The following TNNI3K variants were observed in gnomAD, a reference collection of about 807,000 sequenced individuals.
TNNI3K encodes TNNI3 interacting kinase.
TNNI3K carries 140 observed loss-of-function variants against 114.5 expected under a neutral mutation model. The ratio of observed to expected loss-of-function variants is 1.22; its 90% CI spans 1.07 to 1.41. The LOEUF is 1.41. Among genes scored for constraint, TNNI3K ranks in the 40% most tolerant of loss-of-function variants. The pLI is 0.00. For missense variants in TNNI3K, 1,125 were observed against 1,007.6 expected, an observed-to-expected ratio of 1.12 and a Z score of -1.58; for synonymous variants, 347 against 347.5, an observed-to-expected ratio of 1.00 and a Z score of 0.02.
rs766081261 is a variant in TNNI3K, at chr1:74,475,725, G to A, written c.2121+12175G>A. 1.3e-5 allele frequency: 9 copies of A among 688,846 alleles called. 1 individual carries two copies. Among genetic ancestry groups the A allele is most frequent in the South Asian group, 1.3e-4 (8 of 63,282 alleles). The allele number at this position is 688,846 out of a possible 1,614,324, so 42.7% of individuals were successfully genotyped here. On this transcript the variant is annotated intron_variant, in intron 21 of 24. Coordinates refer to ENST00000326637, the MANE Select transcript of TNNI3K (RefSeq NM_015978.3). ...GTTCATCGAAGGTTCTGCAACAAAG[G>A]TTTTCTGATGTGTGTTCATTTGCTT...
intron 17 of TNNI3K, chr1:74,370,742 G>C (rs1375930137): frequency 6.1e-6 from 1 of 163,482 alleles, no homozygotes; most frequent in Non-Finnish European, 1.3e-5. Context: ...TGAAGTGTTG[G>C]AGTAGCTCCT....
At chr1:74,275,234 A>G (rs1475161863) in intron 5 of TNNI3K, among the ~76,000 whole-genome samples, 1 of 152,046 alleles carries the variant, frequency 6.6e-6, no homozygotes, top group Non-Finnish European at 1.5e-5. Context: ...ATGGCTGGAG[A>G]AGGCTCACAG....
intron 23 of TNNI3K, among the ~76,000 whole-genome samples, chr1:74,528,570 G>C (rs965127555): frequency 7.2e-5 from 11 of 152,282 alleles, no homozygotes; most frequent in Admixed American, 7.2e-4. Flanking sequence ...ATATATTTAG[G>C]ATAATGGGAG....
At chr1:74,436,290 C>T (rs1666126043) in intron 18 of TNNI3K, among the ~76,000 whole-genome samples, 158 bp downstream of exon 18, 1 of 151,828 alleles carries the variant, frequency 6.6e-6, no homozygotes, top group Admixed American at 6.6e-5. Flanking sequence ...ATTTCAATGA[C>T]CCTACATTTT....
At chr1:74,247,868 G>A (rs989035996) in intron 2 of TNNI3K, among the ~76,000 whole-genome samples, 6 of 152,192 alleles carry the variant, frequency 3.9e-5, no homozygotes, top group African/African-American at 9.7e-5. Context: ...GGCCGCAGGC[G>A]GAGCCGCCTG....
chr1:74,292,065 A>G (rs991076014), intron 5 of TNNI3K, among the ~76,000 whole-genome samples: 1 of 151,276 alleles, frequency 6.6e-6, no homozygotes, highest in Non-Finnish European at 1.5e-5. Flanking sequence ...AATAATTTTA[A>G]TTTTCTACCA....
intron 17 of TNNI3K, among the ~76,000 whole-genome samples, chr1:74,404,037 T>A (rs770710491): frequency 6.6e-6 from 1 of 152,178 alleles, no homozygotes; most frequent in Non-Finnish European, 1.5e-5. Context: ...CAATGTCCTT[T>A]AATTTGAGCT....
At chr1:74,303,204 A>ATTT (rs1468924918) in intron 5 of TNNI3K, among the ~76,000 whole-genome samples, 5 of 152,214 alleles carry the variant, frequency 3.3e-5, no homozygotes, top group East Asian at 1.9e-4. Context: ...TATTATTATT[A>ATTT]TTATTTTGAT....
Position 74,469,219 on chromosome 1 carries a change from C to G in TNNI3K, c.2121+5669C>G, listed in dbSNP as rs573559014. Reference sequence around the variant, plus strand: ...CACCTAGTGGATATATAGGATTTTGCAGATCTTTATGGGAACAGCCAACTA... The same window carrying G: ...CACCTAGTGGATATATAGGATTTTGGAGATCTTTATGGGAACAGCCAACTA... On this transcript the variant is annotated intron_variant, in intron 21 of 24. Coordinates refer to ENST00000326637, the MANE Select transcript of TNNI3K (RefSeq NM_015978.3). 3 of 152,642 alleles carry G rather than the reference C, an allele frequency of 2.0e-5. No individual in the cohort carries two copies. The South Asian group carries it at 6.2e-4, about 32-fold the overall frequency. 9.5% of individuals were successfully genotyped at this position (152,642 alleles called of 1,614,324 possible). A position where few individuals can be genotyped will look rare whatever the true frequency, so the allele number is the denominator to read the frequency against.
chr1:74,373,443 C>T (rs1282444441), intron 17 of TNNI3K: 3 of 151,884 alleles, frequency 2.0e-5, no homozygotes, highest in Non-Finnish European at 4.4e-5. Context: ...AACTCATACA[C>T]TTATTTGCAT....
intron 5 of TNNI3K, among the ~76,000 whole-genome samples, chr1:74,313,498 G>A (rs1164707641): frequency 6.6e-6 from 1 of 152,050 alleles, no homozygotes; most frequent in African/African-American, 2.4e-5. Flanking sequence ...TCTTCATTTG[G>A]TCAGGCATTT....
rs576196073 is a variant in TNNI3K, at chr1:74,519,453, G to A, written c.2352-20781G>A. On this transcript the variant is annotated intron_variant, in intron 23 of 24. Coordinates refer to ENST00000326637, the MANE Select transcript of TNNI3K (RefSeq NM_015978.3). The stretch of plus-strand genomic sequence containing the variant: ...TCTAGTTCTAGATCCCTGAGGAATC[G>A]CCACACTGACTTCCACAATGGTTGA... Among the ~76,000 whole-genome samples the A allele has an allele frequency of 1.2e-4, 16 of 128,712 alleles. 2 individuals are homozygous for A. The South Asian group carries it at 1.3e-3, about 10-fold the overall frequency. 84.4% of individuals were successfully genotyped at this position (128,712 alleles called of 152,430 possible). A position where few individuals can be genotyped will look rare whatever the true frequency, so the allele number is the denominator to read the frequency against.
chr1:74,463,166 C>G (rs1053295212), intron 20 of TNNI3K, among the ~76,000 whole-genome samples: 1 of 152,198 alleles, frequency 6.6e-6, no homozygotes. Flanking sequence ...TTCAGACAAA[C>G]AAAACTACTT....
chr1:74,496,664 T>A (rs1669342866), intron 23 of TNNI3K, among the ~76,000 whole-genome samples: 2 of 152,154 alleles, frequency 1.3e-5, no homozygotes, highest in Admixed American at 6.6e-5. Context: ...TGTCAGAGAT[T>A]TTCTCCACAG....
intron 17 of TNNI3K, among the ~76,000 whole-genome samples, chr1:74,427,439 A>T (rs1040204160): frequency 6.6e-6 from 1 of 151,976 alleles, no homozygotes; most frequent in African/African-American, 2.4e-5. Flanking sequence ...TTTATGGGAA[A>T]AAAATCTCCC....
chr1:74,380,206 A>ATG (rs1364062969), intron 17 of TNNI3K, among the ~76,000 whole-genome samples: 1 of 152,122 alleles, frequency 6.6e-6, no homozygotes, highest in Non-Finnish European at 1.5e-5. Flanking sequence ...ACACAAGACG[A>ATG]TGTGTGTGTG....
chr1:74,337,349 G>A (rs949764368), intron 7 of TNNI3K, among the ~76,000 whole-genome samples: 1 of 151,240 alleles, frequency 6.6e-6, no homozygotes, highest in Non-Finnish European at 1.5e-5. Flanking sequence ...AAGCTCTTTA[G>A]TTTAATTAGA....
intron 17 of TNNI3K, among the ~76,000 whole-genome samples, chr1:74,402,818 T>C (rs1426422557): frequency 6.6e-6 from 1 of 152,216 alleles, no homozygotes; most frequent in Non-Finnish European, 1.5e-5. Flanking sequence ...ACAGCTTTGC[T>C]TTGAATGTGG....
chr1:74,272,331 G>A (rs1405780529), intron 5 of TNNI3K, among the ~76,000 whole-genome samples: 10 of 151,790 alleles, frequency 6.6e-5, no homozygotes, highest in Non-Finnish European at 1.5e-4. Flanking sequence ...TTAGTAGTGA[G>A]TACCATAAAA....
Sources: allele counts gnomAD v4.1 joint callset (sites outside exome capture counted in the v4.1 genomes callset), GRCh38; gene constraint gnomAD v4.1.1; transcripts MANE v1.5; gene names NCBI Gene and HGNC (gene_info 2026-07-23, HGNC 2026-07-21).